Variants in LDLRAD4 observed in about 807,000 individuals in gnomAD.
The protein encoded by LDLRAD4 is low-density lipoprotein receptor class A domain-containing protein 4.
Under a neutral mutation model 17.0 loss-of-function variants are expected in LDLRAD4, and 5 were observed. The ratio of observed to expected loss-of-function variants is 0.29; its 90% confidence interval spans 0.15 to 0.62. LDLRAD4 has a LOEUF of 0.62. Ranked by LOEUF, LDLRAD4 falls within the 20% of genes least tolerant of loss-of-function variation. The pLI, the probability that LDLRAD4 is intolerant of heterozygous loss-of-function variation, is 0.84. For missense variants in LDLRAD4, 340 were observed against 424.7 expected (o/e 0.80, Z 1.75); for synonymous variants, 168 against 171.8 (o/e 0.98, Z 0.17).
intron 1 of LDLRAD4, among the ~76,000 whole-genome samples, chr18:13,361,453 G>A (rs980409651): frequency 6.6e-6 from 1 of 152,186 alleles, no homozygotes; most frequent in Non-Finnish European, 1.5e-5. Flanking sequence ...AGTACTTCTT[G>A]TTGCACCTCG....
At chr18:13,222,144 T>C (rs1036329008) in intron 1 of LDLRAD4, among the ~76,000 whole-genome samples, 1 of 152,148 alleles carries the variant, frequency 6.6e-6, no homozygotes, top group Non-Finnish European at 1.5e-5. Context: ...GTTTTGCAGA[T>C]TTTCCTCTGT....
chr18:13,637,041 ACTC>A (rs1195948924), intron 4 of LDLRAD4, among the ~76,000 whole-genome samples: 1 of 151,416 alleles, frequency 6.6e-6, no homozygotes, highest in African/African-American at 2.4e-5. Flanking sequence ...CAGGTGATCC[ACTC>A]ACCTTGGCCT....
rs547534087 is a variant in LDLRAD4 at position 13,411,914 on chromosome 18, C to T, written c.40+24152C>T. Among the ~76,000 whole-genome samples, 199 of 152,266 alleles carry T rather than the reference C, an allele frequency of 1.3e-3. 2 individuals carry two copies. The highest frequency in any genetic ancestry group is 4.7e-3 in the African/African-American group (196 of 41,548). On this transcript the variant is annotated intron_variant, in intron 2 of 5. Coordinates refer to ENST00000359446, the Ensembl canonical transcript of LDLRAD4. ...CTGGAGTGCAGTGGGGCAATCATGGCTCACTGTAGCCTTGACCTCCTGGGC... is the reference window on the plus strand; with the variant it reads ...CTGGAGTGCAGTGGGGCAATCATGGTTCACTGTAGCCTTGACCTCCTGGGC...
rs74783120 is a variant in LDLRAD4 at position 13,450,550 on chromosome 18, C to T, written c.181+12166C>T. Among the ~76,000 whole-genome samples, 792 of 152,290 alleles carry T rather than the reference C, an allele frequency of 5.2e-3. 3 individuals are homozygous for T. The highest frequency in any genetic ancestry group is 6.5e-3 in the African/African-American group (272 of 41,552). On this transcript the variant is annotated intron_variant, in intron 3 of 5. Coordinates refer to ENST00000359446, the Ensembl canonical transcript of LDLRAD4. ...AAGGTATTTTTCTGAGTATTGAATGCGTGAGAGGCATGGGCTGGGCTCTAT... is the reference window on the plus strand; with the variant it reads ...AAGGTATTTTTCTGAGTATTGAATGTGTGAGAGGCATGGGCTGGGCTCTAT...
At chr18:13,256,241 A>G (rs1331567006) in intron 1 of LDLRAD4, among the ~76,000 whole-genome samples, 2 of 152,068 alleles carry the variant, frequency 1.3e-5, no homozygotes, top group Non-Finnish European at 2.9e-5. Context: ...ATGTAGGGGG[A>G]GGCTTGGGTG....
intron 3 of LDLRAD4, among the ~76,000 whole-genome samples, chr18:13,559,831 C>G (rs1298673694): frequency 6.6e-6 from 1 of 152,174 alleles, no homozygotes; most frequent in Non-Finnish European, 1.5e-5. Flanking sequence ...GGCGGGAGAT[C>G]TCTGATGCCT....
chr18:13,648,448 T>C (rs561736209), exon 6 of LDLRAD4: 1 of 152,296 alleles, frequency 6.6e-6, no homozygotes, highest in African/African-American at 2.4e-5. Flanking sequence ...GCCAAGGTCA[T>C]AACATGAATT....
rs578156938 is a variant in LDLRAD4, at chr18:13,469,005, A to G, written c.181+30621A>G. On this transcript the variant is annotated intron_variant, in intron 3 of 5. Coordinates refer to ENST00000359446, the Ensembl canonical transcript of LDLRAD4. ...CCCTAAAACTTAAAGTATAATAATA[A>G]TAAAAAAAGAACTACTAAAAGACTC... Among the ~76,000 whole-genome samples the G allele has an allele frequency of 6.7e-5, 10 of 150,250 alleles. No homozygotes were observed. In the East Asian group the frequency reaches 1.5e-3, roughly 23 times the overall value.
At chr18:13,474,230 A>C (rs1278127774) in intron 3 of LDLRAD4, among the ~76,000 whole-genome samples, 1 of 152,070 alleles carries the variant, frequency 6.6e-6, no homozygotes, top group Non-Finnish European at 1.5e-5. Context: ...CCTCTTTTTT[A>C]ATATAAATTA....
chr18:13,525,368 A>G (rs1416120488), intron 3 of LDLRAD4, among the ~76,000 whole-genome samples: 1 of 152,174 alleles, frequency 6.6e-6, no homozygotes, highest in Non-Finnish European at 1.5e-5. Flanking sequence ...CATTCTGCAA[A>G]TCTCACATTT....
intron 1 of LDLRAD4, among the ~76,000 whole-genome samples, chr18:13,332,978 T>C (rs1461805660): frequency 6.6e-6 from 1 of 152,220 alleles, no homozygotes; most frequent in East Asian, 1.9e-4. Flanking sequence ...TTTAGTTTTT[T>C]TAAGAATCTG....
chr18:13,595,188 T>G (rs2095079704), intron 3 of LDLRAD4, among the ~76,000 whole-genome samples: 2 of 152,106 alleles, frequency 1.3e-5, no homozygotes, highest in African/African-American at 2.4e-5. Context: ...CCAAATTATG[T>G]TGATTTTCTC....
intron 3 of LDLRAD4, among the ~76,000 whole-genome samples, chr18:13,590,643 C>T (rs539084064): frequency 1.2e-4 from 18 of 152,186 alleles, no homozygotes; most frequent in Non-Finnish European, 2.2e-4. Context: ...TTCTGGCTGA[C>T]AAGGCTACAT....
At chr18:13,430,360 G>A (rs563805148) in intron 2 of LDLRAD4, among the ~76,000 whole-genome samples, 17 of 152,288 alleles carry the variant, frequency 1.1e-4, no homozygotes, top group African/African-American at 3.8e-4. Flanking sequence ...GGTTATGCGA[G>A]GTTAGTCCCG....
chr18:13,471,716 G>T (rs2146765678), intron 3 of LDLRAD4: 1 of 152,708 alleles, frequency 6.5e-6, no homozygotes, highest in Middle Eastern at 3.4e-3. Flanking sequence ...CCGGAGGCAG[G>T]ATGGAGCAGC....
intron 3 of LDLRAD4, among the ~76,000 whole-genome samples, chr18:13,503,625 A>C (rs1199449359): frequency 6.6e-6 from 1 of 152,142 alleles, no homozygotes; most frequent in Non-Finnish European, 1.5e-5. Flanking sequence ...TGAAATTATC[A>C]CAGGGGCGGG....
At chr18:13,463,312 T>G (rs1041106262) in intron 3 of LDLRAD4, among the ~76,000 whole-genome samples, 4 of 152,186 alleles carry the variant, frequency 2.6e-5, no homozygotes, top group African/African-American at 7.2e-5. Flanking sequence ...GAGGCCATGC[T>G]GCCTGCCCAC....
At chr18:13,480,811 T>A (rs1396451043) in intron 3 of LDLRAD4, among the ~76,000 whole-genome samples, 2 of 152,158 alleles carry the variant, frequency 1.3e-5, no homozygotes, top group African/African-American at 2.4e-5. Flanking sequence ...TGATGACAAA[T>A]GTTAGAAATA....
At chr18:13,280,616 G>T (rs1599088222) in intron 1 of LDLRAD4, among the ~76,000 whole-genome samples, 1 of 152,208 alleles carries the variant, frequency 6.6e-6, no homozygotes, top group South Asian at 2.1e-4. Context: ...AGGCACTGGG[G>T]TGTGGGCAAA....
Sources: gnomAD v4.1 joint callset for allele counts (sites outside exome capture counted in the v4.1 genomes callset) on GRCh38, gnomAD v4.1.1 for gene constraint, MANE v1.5 for transcripts, NCBI Gene and HGNC (gene_info 2026-07-23, HGNC 2026-07-21) for gene names.